The following TBC1D31 variants were observed in gnomAD, a reference collection of about 807,000 sequenced individuals.
TBC1D31 encodes WD repeat domain 67.
TBC1D31 carries 99 observed loss-of-function variants against 132.9 expected under a neutral mutation model. That is an observed-to-expected ratio of 0.74 (90% CI 0.63 to 0.88). The LOEUF is 0.88. Among genes scored for constraint, TBC1D31 ranks in the 40% least tolerant of loss-of-function variants. TBC1D31 has a pLI of 0.00. For synonymous variants in TBC1D31, 385 were observed against 419.4 expected (o/e 0.92, Z 1.00); for missense variants, 1,134 against 1,256.6 (o/e 0.90, Z 1.48).
intron 14 of TBC1D31, among the ~76,000 whole-genome samples, chr8:123,128,730 G>C (rs1182943493): frequency 1.3e-5 from 2 of 152,034 alleles, no homozygotes; most frequent in African/African-American, 2.4e-5. Flanking sequence ...CAAAAAATTA[G>C]CCAGGCATGG....
At chr8:123,145,652 C>G (rs1463030768) in intron 20 of TBC1D31, among the ~76,000 whole-genome samples, 1 of 149,874 alleles carries the variant, frequency 6.7e-6, no homozygotes, top group Non-Finnish European at 1.5e-5. Flanking sequence ...TATCACACCA[C>G]TGAACTCTAG....
At chr8:123,140,298 G>A (rs1586726656) in intron 17 of TBC1D31, among the ~76,000 whole-genome samples, 1 of 152,174 alleles carries the variant, frequency 6.6e-6, no homozygotes, top group Admixed American at 6.5e-5. Context: ...GGAGGTGGAG[G>A]TTGCAGTGAG....
At chr8:123,090,631 C>A (rs1482860605) in intron 4 of TBC1D31, among the ~76,000 whole-genome samples, 1 of 152,086 alleles carries the variant, frequency 6.6e-6, no homozygotes, top group Non-Finnish European at 1.5e-5. Flanking sequence ...GTATCCTAAA[C>A]TCTTTAAACC....
chr8:123,099,173 G>A (rs938658813), intron 6 of TBC1D31, among the ~76,000 whole-genome samples: 3 of 152,214 alleles, frequency 2.0e-5, no homozygotes. Flanking sequence ...AGGCTGGAGA[G>A]CAGTGGCATG....
chr8:123,118,132 T>C (rs955261569), intron 10 of TBC1D31, among the ~76,000 whole-genome samples: 1 of 152,162 alleles, frequency 6.6e-6, no homozygotes, highest in Non-Finnish European at 1.5e-5. Context: ...AACTCTCATA[T>C]TGGAAGAAAC....
chr8:123,118,987 A>C (rs955422013), intron 10 of TBC1D31, among the ~76,000 whole-genome samples: 1 of 152,164 alleles, frequency 6.6e-6, no homozygotes, highest in African/African-American at 2.4e-5. Context: ...CAACCCCCCA[A>C]AATGTTGGGA....
intron 14 of TBC1D31, among the ~76,000 whole-genome samples, chr8:123,128,782 A>T (rs1264533535): frequency 6.6e-6 from 1 of 152,102 alleles, no homozygotes; most frequent in African/African-American, 2.4e-5. Flanking sequence ...AAGCTGAGGC[A>T]GGAGAATCAC....
intron 10 of TBC1D31, 111 bp from the exon 11 acceptor site, chr8:123,119,944 T>C: frequency 2.3e-6 from 2 of 879,606 alleles, no homozygotes; most frequent in Non-Finnish European, 1.7e-6. Flanking sequence ...AACTAGATGA[T>C]AGGGGTACAA....
intron 16 of TBC1D31, among the ~76,000 whole-genome samples, chr8:123,133,217 A>G (rs1248464435): frequency 6.6e-6 from 1 of 152,252 alleles, no homozygotes; most frequent in Non-Finnish European, 1.5e-5. Context: ...TGTATCTCTG[A>G]AAATTCATAA....
chr8:123,155,183 AT>A, downstream of TBC1D31, among the ~76,000 whole-genome samples: 1 of 152,212 alleles, frequency 6.6e-6, no homozygotes, highest in East Asian at 1.9e-4. The surrounding 1 kb of genome is among the most constrained non-coding windows in gnomAD (Gnocchi z 4.1). Context: ...GTAGGGGTGG[AT>A]TGATCACATC....
At chr8:123,097,510 C>A (rs2130286912) in intron 6 of TBC1D31, 69 bp downstream of exon 6, 1 of 1,467,106 alleles carries the variant, frequency 6.8e-7, no homozygotes, top group Non-Finnish European at 9.2e-7. Context: ...ACTATATTAG[C>A]TCTTATTTAT....
At chr8:123,156,800 C>T (rs1435068121), downstream of TBC1D31, among the ~76,000 whole-genome samples, 1 of 152,202 alleles carries the variant, frequency 6.6e-6, no homozygotes, top group Non-Finnish European at 1.5e-5. Context: ...CTACCCATCC[C>T]GCAGCTCCCT....
At chr8:123,139,979 T>C (rs2037168427) in intron 17 of TBC1D31, among the ~76,000 whole-genome samples, 1 of 152,194 alleles carries the variant, frequency 6.6e-6, no homozygotes. Context: ...ACAGTGACAG[T>C]TCTCCAGCAA....
At position 123,114,930 on chromosome 8, in the gene TBC1D31, A is replaced by T. The variant is rs544223518; in HGVS notation, c.1437-5125A>T. On this transcript the variant is annotated intron_variant, in intron 10 of 21. Transcript: ENST00000287380. ...ATCATGGACCTCTTTCTCTCAGTAT[A>T]TGTAGGTTTACTTCTTTCTAAAAAA... 2.0e-5 allele frequency among the ~76,000 whole-genome samples: 3 copies of T among 152,308 alleles called. No homozygotes were observed. In the South Asian group the frequency reaches 6.2e-4, roughly 32 times the overall value.
At position 123,151,760 on chromosome 8, in the gene TBC1D31, A is replaced by G; in HGVS notation, c.3068-46A>G. The stretch of plus-strand genomic sequence containing the variant: ...TAAAATAAATGCTGTATCACCGCTA[A>G]CATCAGAAAACTCAGCTTTTCTAAA... On this transcript the variant is annotated intron_variant, in intron 21 of 21. Transcript: ENST00000287380. The G allele has an allele frequency of 2.0e-6, 3 of 1,516,172 alleles. No individual in the cohort carries two copies. In the African/African-American group the frequency reaches 4.3e-5, roughly 22 times the overall value. 93.9% of individuals were successfully genotyped at this position (1,516,172 alleles called of 1,614,324 possible). A position where few individuals can be genotyped will look rare whatever the true frequency, so the allele number is the denominator to read the frequency against.
chr8:123,134,292 G>A, intron 17 of TBC1D31, 86 bp downstream of exon 17: 1 of 1,020,078 alleles, frequency 9.8e-7, no homozygotes, highest in South Asian at 1.4e-5. Flanking sequence ...ACTTTGGGAG[G>A]ATGAGGTGGA....
At chr8:123,157,758 C>G in the TBC1D31 span, among the ~76,000 whole-genome samples, 2 of 152,114 alleles carry the variant, frequency 1.3e-5, no homozygotes, top group Non-Finnish European at 2.9e-5. Context: ...GTTACGGCCC[C>G]CACTGCAGAC....
intron 17 of TBC1D31, among the ~76,000 whole-genome samples, chr8:123,136,693 C>G (rs186572957): frequency 5.2e-4 from 79 of 152,214 alleles, no homozygotes; most frequent in Admixed American, 1.4e-3. Context: ...TCAGGTAATC[C>G]GCCCGCCTCG....
At chr8:123,117,864 G>A (rs1819100154) in intron 10 of TBC1D31, among the ~76,000 whole-genome samples, 1 of 152,014 alleles carries the variant, frequency 6.6e-6, no homozygotes, top group African/African-American at 2.4e-5. Context: ...GAGATTCAAG[G>A]CTGCAGTGAG....
Sources: gnomAD v4.1 joint callset for allele counts (sites outside exome capture counted in the v4.1 genomes callset) on GRCh38, gnomAD v4.1.1 for gene constraint, Gnocchi (gnomAD v3.1) non-coding constraint, MANE v1.5 for transcripts, NCBI Gene and HGNC (gene_info 2026-07-23, HGNC 2026-07-21) for gene names.